Variants in GRM7 observed in about 807,000 individuals in gnomAD.
GRM7 encodes the protein glutamate metabotropic receptor 7.
In GRM7, 35 loss-of-function variants were observed where a neutral mutation model predicts 84.5. The observed-to-expected ratio is 0.41, with a 90% CI of 0.32 to 0.55. The LOEUF (loss-of-function observed/expected upper bound fraction) is 0.55. Among genes scored for constraint, GRM7 ranks in the 20% least tolerant of loss-of-function variants. The pLI is 0.19. For synonymous variants in GRM7, 487 were observed against 455.1 expected (o/e 1.07, Z -0.89); for missense variants, 1,003 against 1,194.6 (o/e 0.84, Z 2.36).
chr3:6,927,647 T>G (rs955481689), intron 1 of GRM7, among the ~76,000 whole-genome samples: 5 of 152,076 alleles, frequency 3.3e-5, no homozygotes, highest in Admixed American at 6.6e-5. Flanking sequence ...TTACATGCAT[T>G]TATGTTCATA....
At chr3:7,712,069 A>G (rs1318374900) in intron 9 of GRM7, among the ~76,000 whole-genome samples, 2 of 152,178 alleles carry the variant, frequency 1.3e-5, no homozygotes, top group Admixed American at 1.3e-4. Context: ...GCACTCCAGG[A>G]GAAACTCAAT....
At chr3:7,265,136 C>T (rs185720884) in intron 2 of GRM7, among the ~76,000 whole-genome samples, 306 of 152,300 alleles carry the variant, frequency 2.0e-3, no homozygotes, top group Non-Finnish European at 3.4e-3. Context: ...CAAACACATG[C>T]TATGTTAGCA....
intron 1 of GRM7, among the ~76,000 whole-genome samples, chr3:7,083,555 A>T (rs1385556094): frequency 3.3e-5 from 5 of 152,240 alleles, no homozygotes; most frequent in South Asian, 2.1e-4. Flanking sequence ...GAAACACAGT[A>T]GGTGCTCTTG....
chr3:7,711,371 A>G (rs938041996), intron 9 of GRM7, among the ~76,000 whole-genome samples: 1 of 152,172 alleles, frequency 6.6e-6, no homozygotes, highest in African/African-American at 2.4e-5. Flanking sequence ...TGAGGCAGGT[A>G]CAGATTTAGT....
At chr3:7,686,422 G>A in intron 9 of GRM7, 2 of 1,536,240 alleles carry the variant, frequency 1.3e-6, no homozygotes, top group East Asian at 2.2e-5. Context: ...CCCACCAACA[G>A]TATAGCTTTT....
At position 7,080,668 on chromosome 3, in the gene GRM7, G is replaced by A. The variant is rs147312921; in HGVS notation, c.520-65784G>A. Among the ~76,000 whole-genome samples the A allele has an allele frequency of 1.8e-3, 263 of 146,472 alleles. 1 individual carries two copies. Among genetic ancestry groups the A allele is most frequent in the African/African-American group, 5.9e-3 (230 of 38,964 alleles). On this transcript the variant is annotated intron_variant, in intron 1 of 9. Coordinates refer to ENST00000357716, the MANE Select transcript of GRM7 (RefSeq NM_000844.4). ...TGTGTGTATGCATATATATAAACAC[G>A]CACATGTGTGTATATTTGTATATAT... is the stretch of plus-strand genomic sequence containing the variant.
intron 1 of GRM7, among the ~76,000 whole-genome samples, chr3:6,882,508 T>G (rs1158095604): frequency 3.3e-5 from 5 of 151,950 alleles, no homozygotes; most frequent in Non-Finnish European, 5.9e-5. Flanking sequence ...GTTGCACCAC[T>G]GCCCCCCGGC....
chr3:7,543,079 T>C (rs1454826213), intron 7 of GRM7, among the ~76,000 whole-genome samples: 1 of 152,084 alleles, frequency 6.6e-6, no homozygotes, highest in Non-Finnish European at 1.5e-5. Flanking sequence ...AATGAACAAA[T>C]GAATGAATGA....
chr3:7,083,142 G>T (rs1318959754), intron 1 of GRM7, among the ~76,000 whole-genome samples: 1 of 152,094 alleles, frequency 6.6e-6, no homozygotes, highest in East Asian at 1.9e-4. Context: ...ATGCTACAGA[G>T]AAATCTTTTG....
chr3:7,070,302 A>C (rs1697820336), intron 1 of GRM7, among the ~76,000 whole-genome samples: 1 of 152,108 alleles, frequency 6.6e-6, no homozygotes, highest in Non-Finnish European at 1.5e-5. Context: ...TTTTGTTTAG[A>C]ATTTTCCAGG....
At chr3:7,679,979 G>A (rs577688890) in intron 8 of GRM7, 70 bp from the exon 9 acceptor site, 44 of 1,445,382 alleles carry the variant, frequency 3.0e-5, no homozygotes, top group East Asian at 1.4e-4. Flanking sequence ...TCTTGACATC[G>A]CTTTAAGTGT....
intron 4 of GRM7, among the ~76,000 whole-genome samples, chr3:7,410,656 C>CACA (rs1553585549): frequency 1.2e-4 from 17 of 142,622 alleles, no homozygotes; most frequent in South Asian, 8.9e-4. Context: ...ACCACCACCA[C>CACA]CACACACACA....
intron 5 of GRM7, among the ~76,000 whole-genome samples, chr3:7,450,122 A>AT (rs58314901): frequency 1 from 152,224 of 152,226 alleles, 76,111 homozygotes; most frequent in Non-Finnish European, 1. Flanking sequence ...TTTTATCAGA[A>AT]TGGCTTATTT....
At chr3:7,458,744 C>T (rs1000051192) in intron 6 of GRM7, among the ~76,000 whole-genome samples, 2 of 152,222 alleles carry the variant, frequency 1.3e-5, no homozygotes, top group Admixed American at 6.5e-5. Context: ...TTCCTTTCTC[C>T]TCTCAAAGAC....
intron 8 of GRM7, among the ~76,000 whole-genome samples, chr3:7,667,117 A>AAAAT (rs1699733011): frequency 1.3e-5 from 2 of 152,116 alleles, no homozygotes; most frequent in Non-Finnish European, 2.9e-5. Flanking sequence ...ACAAACAAAA[A>AAAAT]AAATAGCCAG....
chr3:7,538,707 A>AG (rs1184769061), intron 7 of GRM7, among the ~76,000 whole-genome samples: 1 of 152,222 alleles, frequency 6.6e-6, no homozygotes, highest in Non-Finnish European at 1.5e-5. Flanking sequence ...GCCACCAAAA[A>AG]AAAATGATAA....
chr3:7,083,819 G>C (rs1182086771), intron 1 of GRM7, among the ~76,000 whole-genome samples: 2 of 152,090 alleles, frequency 1.3e-5, no homozygotes, highest in Non-Finnish European at 2.9e-5. Flanking sequence ...AGGCCTTTCT[G>C]ATGAGGTGTC....
At chr3:7,406,176 CT>C (rs200653365) in intron 4 of GRM7, among the ~76,000 whole-genome samples, 1,559 of 152,002 alleles carry the variant, frequency 0.01, 16 homozygotes, top group South Asian at 0.024. Context: ...CTAGATAGTG[CT>C]CAAATGATTA....
chr3:7,032,412 T>C (rs1696224441), intron 1 of GRM7, among the ~76,000 whole-genome samples: 1 of 152,194 alleles, frequency 6.6e-6, no homozygotes, highest in Non-Finnish European at 1.5e-5. Flanking sequence ...AAGGAAATAA[T>C]AGACAAAAGC....
Sources: gnomAD v4.1 joint callset for allele counts (sites outside exome capture counted in the v4.1 genomes callset) on GRCh38, gnomAD v4.1.1 for gene constraint, MANE v1.5 for transcripts, NCBI Gene and HGNC (gene_info 2026-07-23, HGNC 2026-07-21) for gene names.